CLSTN2: variants seen among roughly 807,000 people sequenced by gnomAD.
CLSTN2 encodes the protein calsyntenin-2.
CLSTN2 carries 48 observed loss-of-function variants against 101.2 expected under a neutral mutation model. The ratio of observed to expected loss-of-function variants is 0.47; its 90% CI spans 0.38 to 0.60. The LOEUF is 0.60. CLSTN2 is among the 20% of genes least tolerant of loss of function. CLSTN2 has a pLI of 0.00. For synonymous variants in CLSTN2, 481 were observed against 463.6 expected (o/e 1.04, Z -0.48); for missense variants, 1,160 against 1,238.2 (o/e 0.94, Z 0.95).
chr3:140,254,927 T>C (rs1023683802), intron 2 of CLSTN2, among the ~76,000 whole-genome samples: 1 of 152,080 alleles, frequency 6.6e-6, no homozygotes, highest in Admixed American at 6.6e-5. Flanking sequence ...AGGTGTAATA[T>C]CCAGAATCTA....
chr3:140,245,177 T>C (rs960825932), intron 2 of CLSTN2, among the ~76,000 whole-genome samples: 5 of 152,214 alleles, frequency 3.3e-5, no homozygotes, highest in African/African-American at 9.6e-5. Flanking sequence ...CACTCGGCTG[T>C]TATTCCTCAG....
At chr3:140,202,220 T>C (rs556967834) in intron 2 of CLSTN2, among the ~76,000 whole-genome samples, 2 of 152,228 alleles carry the variant, frequency 1.3e-5, no homozygotes, top group African/African-American at 4.8e-5. Context: ...TGCTCCTATA[T>C]TGAGAAGAGG....
chr3:140,135,159 T>TAA (rs2009596519), intron 1 of CLSTN2, among the ~76,000 whole-genome samples: 1 of 102,116 alleles, frequency 9.8e-6, no homozygotes. Flanking sequence ...TATATATATA[T>TAA]ATAAAATATG....
intron 2 of CLSTN2, among the ~76,000 whole-genome samples, chr3:140,280,669 G>T (rs1308982806): frequency 6.6e-6 from 1 of 152,208 alleles, no homozygotes; most frequent in Non-Finnish European, 1.5e-5. Flanking sequence ...CTTACAGTGT[G>T]CCATGATGCA....
chr3:140,562,386 T>C, intron 13 of CLSTN2, 78 bp downstream of exon 13: 2 of 1,397,258 alleles, frequency 1.4e-6, no homozygotes, highest in Non-Finnish European at 1.9e-6. Context: ...TGAGTGAGAT[T>C]GCACCTGTGA....
At chr3:140,292,450 G>GC (rs1195171567) in intron 2 of CLSTN2, among the ~76,000 whole-genome samples, 1 of 152,116 alleles carries the variant, frequency 6.6e-6, no homozygotes, top group Non-Finnish European at 1.5e-5. Context: ...TCTGCCTTGA[G>GC]CATTACTGTG....
chr3:140,462,676 C>G (rs1933591059), intron 7 of CLSTN2: 1 of 152,138 alleles, frequency 6.6e-6, no homozygotes, highest in Non-Finnish European at 1.5e-5. Flanking sequence ...CTACTTCCAC[C>G]AAGAAAAACA....
chr3:140,395,997 C>A (rs73228964), intron 2 of CLSTN2, among the ~76,000 whole-genome samples: 4,630 of 152,230 alleles, frequency 0.03, 91 homozygotes, highest in Non-Finnish European at 0.039. Context: ...GCCAGGTGTT[C>A]GCTCCAGGAA....
chr3:140,156,182 C>T (rs1345738390), intron 1 of CLSTN2, among the ~76,000 whole-genome samples: 1 of 152,124 alleles, frequency 6.6e-6, no homozygotes, highest in Non-Finnish European at 1.5e-5. Context: ...CTGCCACAAA[C>T]GTTGTGTTGA....
chr3:139,986,190 A>G (rs1936017317), intron 1 of CLSTN2, among the ~76,000 whole-genome samples: 1 of 152,180 alleles, frequency 6.6e-6, no homozygotes, highest in Admixed American at 6.5e-5. Flanking sequence ...TGAGAATACA[A>G]CTGAATTTTT....
intron 8 of CLSTN2, among the ~76,000 whole-genome samples, chr3:140,476,672 TTTC>T (rs1487863103): frequency 8.3e-4 from 104 of 125,418 alleles, no homozygotes; most frequent in East Asian, 3.2e-3. Context: ...TTTTTTTTTT[TTTC>T]CTGATATGGA....
chr3:140,283,063 G>A (rs1036106883), intron 2 of CLSTN2, among the ~76,000 whole-genome samples: 3 of 152,078 alleles, frequency 2.0e-5, no homozygotes, highest in African/African-American at 2.4e-5. Context: ...CCTAAATCAT[G>A]TTGTTCAGAG....
At chr3:139,998,499 C>T (rs187384302) in intron 1 of CLSTN2, among the ~76,000 whole-genome samples, 44 of 150,754 alleles carry the variant, frequency 2.9e-4, no homozygotes, top group Non-Finnish European at 5.3e-4. Flanking sequence ...CCCGCCACCA[C>T]GCCTGGCTAA....
In CLSTN2 at chr3:139,952,403, C is replaced by A. The variant is rs80254185; in HGVS notation, c.109+16920C>A. Among the ~76,000 whole-genome samples the A allele has an allele frequency of 2.5e-4, 38 of 152,136 alleles. No homozygotes were observed. The East Asian group carries it at 6.2e-3, about 25-fold the overall frequency. ...GGGAGAGAGAGGAGTGTCCTCATGC[C>A]CACTCTTCTGACTTGACTTACTAAA... is the stretch of plus-strand genomic sequence containing the variant. On this transcript the variant is annotated intron_variant, in intron 1 of 16. Coordinates refer to ENST00000458420, the MANE Select transcript of CLSTN2 (RefSeq NM_022131.3).
At chr3:140,492,956 T>G (rs536767) in intron 8 of CLSTN2, among the ~76,000 whole-genome samples, 55,876 of 152,106 alleles carry the variant, frequency 0.37, 10,593 homozygotes, top group African/African-American at 0.48. Flanking sequence ...ACCCTACTTA[T>G]CAGGGTTGTC....
At chr3:139,957,463 G>A (rs1935428031) in intron 1 of CLSTN2, among the ~76,000 whole-genome samples, 1 of 151,548 alleles carries the variant, frequency 6.6e-6, no homozygotes, top group African/African-American at 2.4e-5. Context: ...ACCTGTATAT[G>A]CCTCAAATAG....
chr3:140,519,215 C>A (rs894173225), intron 8 of CLSTN2, among the ~76,000 whole-genome samples: 1 of 152,174 alleles, frequency 6.6e-6, no homozygotes, highest in African/African-American at 2.4e-5. Context: ...GATTTCAGTT[C>A]TTTTGCATTC....
chr3:140,042,069 G>T (rs6797584), intron 1 of CLSTN2, among the ~76,000 whole-genome samples: 1,548 of 152,270 alleles, frequency 0.01, 26 homozygotes, highest in African/African-American at 0.033. Flanking sequence ...GAGTCAATGG[G>T]TTTTAGTATA....
intron 1 of CLSTN2, among the ~76,000 whole-genome samples, chr3:140,012,724 A>T (rs2007113384): frequency 6.6e-6 from 1 of 152,176 alleles, no homozygotes; most frequent in Non-Finnish European, 1.5e-5. Flanking sequence ...AAGGGTTGGA[A>T]ATGTGTAGAA....
Sources: allele counts gnomAD v4.1 joint callset (sites outside exome capture counted in the v4.1 genomes callset), GRCh38; gene constraint gnomAD v4.1.1; transcripts MANE v1.5; gene names NCBI Gene and HGNC (gene_info 2026-07-23, HGNC 2026-07-21).